The following SYN3 variants were observed in gnomAD, a reference collection of about 807,000 sequenced individuals.
SYN3 encodes synapsin-3.
In SYN3, 35 loss-of-function variants were observed where a neutral mutation model predicts 65.8. The observed-to-expected ratio is 0.53, with a 90% CI of 0.41 to 0.70. The LOEUF is 0.70. SYN3 is among the 30% of genes least tolerant of loss of function. SYN3 has a pLI of 0.00. For synonymous variants in SYN3, 270 were observed against 292.9 expected, an observed-to-expected ratio of 0.92 and a Z score of 0.80; for missense variants, 680 against 749.0, an observed-to-expected ratio of 0.91 and a Z score of 1.08.
At chr22:32,632,734 T>C (rs1396208155) in intron 6 of SYN3, among the ~76,000 whole-genome samples, 1 of 152,234 alleles carries the variant, frequency 6.6e-6, no homozygotes, top group Non-Finnish European at 1.5e-5. Flanking sequence ...CTTCTCAGCC[T>C]GGCTCAAGGT....
intron 6 of SYN3, among the ~76,000 whole-genome samples, chr22:32,639,919 A>G (rs573899165): frequency 6.6e-6 from 1 of 152,208 alleles, no homozygotes; most frequent in Non-Finnish European, 1.5e-5. Flanking sequence ...TGGCTATTGG[A>G]TGTTATAAAG....
At chr22:32,737,956 C>T (rs2061355611) in intron 6 of SYN3, among the ~76,000 whole-genome samples, 1 of 152,208 alleles carries the variant, frequency 6.6e-6, no homozygotes, top group Non-Finnish European at 1.5e-5. Context: ...GGAGGACTGC[C>T]TGACCCGTAT....
rs2046590538 is a variant in SYN3 at position 32,801,818 on chromosome 22, G to T, written c.711+63097C>A. 1.6e-6 allele frequency: 1 copy of T among 624,634 alleles called. No individual in the cohort carries two copies. The allele number at this position is 624,634 out of a possible 1,614,324, so 38.7% of individuals were successfully genotyped here. ...GCCCGCCGAGTCCTGCGCCAGCGCC[G>T]AGGCAGCCTCGCTGCGCCCCATCCC... On this transcript the variant is annotated intron_variant, in intron 6 of 13. Transcript: ENST00000358763. This position sits in a 1 kb window ranked among gnomAD's most constrained non-coding sequence, Gnocchi z 4.7.
At chr22:32,928,980 T>C (rs934108447) in intron 4 of SYN3, among the ~76,000 whole-genome samples, 1 of 150,230 alleles carries the variant, frequency 6.7e-6, no homozygotes, top group African/African-American at 2.4e-5. Flanking sequence ...AAGTTGTGTT[T>C]AAAAAAAAAA....
intron 6 of SYN3, among the ~76,000 whole-genome samples, chr22:32,774,359 A>C (rs1296002645): frequency 6.6e-6 from 1 of 152,140 alleles, no homozygotes; most frequent in African/African-American, 2.4e-5. Context: ...CACACAGAGA[A>C]TGCCGTGTGA....
intron 6 of SYN3, among the ~76,000 whole-genome samples, chr22:32,770,452 C>T (rs2045739071): frequency 6.6e-6 from 1 of 152,156 alleles, no homozygotes; most frequent in Admixed American, 6.5e-5. Context: ...CATCTCTACC[C>T]TCATCTTCTG....
rs1189710191 is a variant in SYN3, at chr22:32,693,592, G to GTTTTTTTTT, written c.712-96865_712-96857dup. 3.3e-3 allele frequency among the ~76,000 whole-genome samples: 299 copies of GTTTTTTTTT among 90,504 alleles called. 29 individuals are homozygous for GTTTTTTTTT. Among genetic ancestry groups the GTTTTTTTTT allele is most frequent in the African/African-American group, 0.013 (243 of 19,070 alleles). 59.4% of individuals were successfully genotyped at this position (90,504 alleles called of 152,430 possible). On this transcript the variant is annotated intron_variant, in intron 6 of 13. Coordinates refer to ENST00000358763, the MANE Select transcript of SYN3 (RefSeq NM_003490.4). ...ATATAATATTATTTTTCTGTAGCTT[G>GTTTTTTTTT]TTTTTTTTTTTTTTTTTTTTTTTGA...
intron 1 of SYN3, among the ~76,000 whole-genome samples, chr22:33,053,018 A>G (rs796929884): frequency 1.3e-5 from 2 of 152,348 alleles, no homozygotes; most frequent in African/African-American, 2.4e-5. Flanking sequence ...TCCAAACAAG[A>G]TAACATTTTT....
intron 1 of SYN3, among the ~76,000 whole-genome samples, chr22:33,016,163 A>T (rs1245952693): frequency 6.6e-6 from 1 of 152,088 alleles, no homozygotes; most frequent in Non-Finnish European, 1.5e-5. Context: ...AATTTCTTAC[A>T]CACTTGTTTC....
intron 2 of SYN3, among the ~76,000 whole-genome samples, chr22:32,982,393 TC>T (rs1426652776): frequency 6.6e-6 from 1 of 152,064 alleles, no homozygotes; most frequent in African/African-American, 2.4e-5. Flanking sequence ...GCCTCTGTCT[TC>T]CCCATCATCA....
At chr22:32,868,882 A>G in intron 5 of SYN3, 84 bp downstream of exon 5, 5 of 1,404,508 alleles carry the variant, frequency 3.6e-6, no homozygotes, top group Non-Finnish European at 4.9e-6. Flanking sequence ...TGAGGCCTCC[A>G]TGCTGGGGAG....
intron 12 of SYN3, among the ~76,000 whole-genome samples, chr22:32,524,102 G>C (rs974284757): frequency 6.6e-6 from 1 of 152,238 alleles, no homozygotes; most frequent in African/African-American, 2.4e-5. Flanking sequence ...TGAAGTCTCA[G>C]GAAAGAAGCC....
intron 6 of SYN3, among the ~76,000 whole-genome samples, chr22:32,649,580 T>A (rs150598127): frequency 6.6e-6 from 1 of 152,310 alleles, no homozygotes; most frequent in African/African-American, 2.4e-5. Context: ...CTCTTCTTAC[T>A]ACACCACGGA....
intron 6 of SYN3, among the ~76,000 whole-genome samples, chr22:32,642,980 T>A (rs2059924479): frequency 6.6e-6 from 1 of 152,234 alleles, no homozygotes; most frequent in Admixed American, 6.5e-5. Flanking sequence ...TGCTGATCCA[T>A]ATGGACATTA....
chr22:32,670,466 G>C (rs1467584384), intron 6 of SYN3, among the ~76,000 whole-genome samples: 2 of 152,190 alleles, frequency 1.3e-5, no homozygotes, highest in African/African-American at 2.4e-5. Flanking sequence ...GTTACAGCAA[G>C]ACCAGAGATG....
chr22:33,053,110 T>C (rs964648206), intron 1 of SYN3, among the ~76,000 whole-genome samples: 5 of 152,046 alleles, frequency 3.3e-5, no homozygotes, highest in African/African-American at 1.2e-4. Flanking sequence ...ATATCCCAAG[T>C]ATAAAAAGTC....
At chr22:33,028,694 G>GTGGTGGTGGTGGTGA (rs2053689813) in intron 1 of SYN3, among the ~76,000 whole-genome samples, 2 of 131,226 alleles carry the variant, frequency 1.5e-5, no homozygotes, top group Non-Finnish European at 3.3e-5. Flanking sequence ...GGTGGTGATG[G>GTGGTGGTGGTGGTGA]TGGTGGTGGT....
chr22:32,596,572 G>C, intron 7 of SYN3, 102 bp downstream of exon 7: 2 of 1,166,524 alleles, frequency 1.7e-6, no homozygotes, highest in South Asian at 2.8e-5. Flanking sequence ...TGTTCTGGGT[G>C]CCTGTGCTAA....
chr22:33,054,595 A>G (rs934742215), intron 1 of SYN3, among the ~76,000 whole-genome samples: 1 of 152,036 alleles, frequency 6.6e-6, no homozygotes, highest in East Asian at 1.9e-4. Flanking sequence ...CAGCACAAAC[A>G]CCAATCTGTT....
Sources: allele counts gnomAD v4.1 joint callset (sites outside exome capture counted in the v4.1 genomes callset), GRCh38; gene constraint gnomAD v4.1.1; non-coding constraint Gnocchi (gnomAD v3.1); transcripts MANE v1.5; gene names NCBI Gene and HGNC (gene_info 2026-07-23, HGNC 2026-07-21).